The following CDH18 variants were observed in gnomAD, a reference collection of about 807,000 sequenced individuals.
CDH18 encodes cadherin-18.
In CDH18, 31 loss-of-function variants were observed where a neutral mutation model predicts 67.9. The ratio of observed to expected loss-of-function variants is 0.46; its 90% CI spans 0.34 to 0.62. The LOEUF is 0.62. Among genes scored for constraint, CDH18 ranks in the 20% least tolerant of loss-of-function variants. The pLI is 0.01. For synonymous variants in CDH18, 362 were observed against 347.2 expected (o/e 1.04, Z -0.48); for missense variants, 890 against 975.5 (o/e 0.91, Z 1.17).
At chr5:20,131,333 T>C (rs546926104) in intron 2 of CDH18, among the ~76,000 whole-genome samples, 1 of 152,280 alleles carries the variant, frequency 6.6e-6, no homozygotes, top group East Asian at 1.9e-4. Context: ...AATAATTATC[T>C]GTAGCTTCAC....
chr5:20,202,658 T>C (rs1264298272), intron 2 of CDH18, among the ~76,000 whole-genome samples: 1 of 152,082 alleles, frequency 6.6e-6, no homozygotes, highest in Non-Finnish European at 1.5e-5. Flanking sequence ...GTTCTTTTTA[T>C]TTTTTATTTT....
intron 2 of CDH18, among the ~76,000 whole-genome samples, chr5:20,063,188 A>T (rs1742660196): frequency 6.6e-6 from 1 of 151,570 alleles, no homozygotes; most frequent in African/African-American, 2.4e-5. Flanking sequence ...GATATAATTG[A>T]ATCAGCTTAT....
chr5:20,326,537 CTTTT>C (rs372636215), intron 1 of CDH18, among the ~76,000 whole-genome samples: 1 of 134,118 alleles, frequency 7.5e-6, no homozygotes, highest in Non-Finnish European at 1.6e-5. Context: ...AACATATTTA[CTTTT>C]TTTTTTTTTT....
chr5:19,694,022 C>A (rs2150437385), intron 5 of CDH18, among the ~76,000 whole-genome samples: 1 of 151,996 alleles, frequency 6.6e-6, no homozygotes, highest in Non-Finnish European at 1.5e-5. Context: ...CCATTATCAT[C>A]TACTTACCTC....
In CDH18 at chr5:19,471,580, A is replaced by C. The variant is rs1447770334; in HGVS notation, c.*1646T>G. On this transcript the variant is annotated 3_prime_UTR_variant, in exon 13 of 13. Transcript: ENST00000382275. ...TATTTAAGAATTTCAATATTTCTGAAATATATAGATGTGGCCAGTTTTAGA... is the reference window on the plus strand; with the variant it reads ...TATTTAAGAATTTCAATATTTCTGACATATATAGATGTGGCCAGTTTTAGA... Among the ~76,000 whole-genome samples the C allele has an allele frequency of 2.7e-5, 4 of 149,796 alleles. No homozygotes were observed. Among genetic ancestry groups the C allele is most frequent in the Non-Finnish European group, 6.0e-5 (4 of 66,924 alleles).
intron 3 of CDH18, among the ~76,000 whole-genome samples, chr5:19,795,065 G>C (rs993310324): frequency 6.6e-6 from 1 of 152,058 alleles, no homozygotes; most frequent in African/African-American, 2.4e-5. Flanking sequence ...TCAGCTTCTT[G>C]CAGAGAAATG....
intron 2 of CDH18, among the ~76,000 whole-genome samples, chr5:20,139,412 A>G (rs1323990892): frequency 1.3e-5 from 2 of 152,216 alleles, no homozygotes; most frequent in African/African-American, 4.8e-5. Flanking sequence ...ATGGGCAAGG[A>G]CTTCAGGACT....
At chr5:19,493,102 C>G (rs1035060776) in intron 11 of CDH18, among the ~76,000 whole-genome samples, 1 of 152,168 alleles carries the variant, frequency 6.6e-6, no homozygotes, top group African/African-American at 2.4e-5. Context: ...CTGAGTCACT[C>G]TCCCTGGTGG....
rs780843991 is a variant in CDH18 at position 19,658,781 on chromosome 5, T to C, written c.644-46180A>G. ...CTCATCATTTAACATTAGGTATATC[T>C]CCTAATGCTATCCCTCCCCACTTCG... is the stretch of plus-strand genomic sequence containing the variant. On this transcript the variant is annotated intron_variant, in intron 5 of 12. Coordinates refer to ENST00000382275, the MANE Select transcript of CDH18 (RefSeq NM_004934.5). Among the ~76,000 whole-genome samples the C allele has an allele frequency of 2.0e-3, 299 of 152,034 alleles. 1 individual carries two copies. Among genetic ancestry groups the C allele is most frequent in the Admixed American group, 4.8e-3 (73 of 15,238 alleles).
At chr5:19,887,033 T>C (rs1168032611) in intron 2 of CDH18, among the ~76,000 whole-genome samples, 6 of 152,122 alleles carry the variant, frequency 3.9e-5, no homozygotes. Context: ...GGTACCATAA[T>C]AAATAAGGTC....
chr5:20,540,322 AGAAAT>A (rs113620014), intron 1 of CDH18, among the ~76,000 whole-genome samples: 4,114 of 152,300 alleles, frequency 0.027, 179 homozygotes, highest in African/African-American at 0.094. Context: ...TTTACAAGAC[AGAAAT>A]GAATTGCAGA....
intron 1 of CDH18, among the ~76,000 whole-genome samples, chr5:20,270,472 T>C (rs561042319): frequency 1.3e-5 from 2 of 152,044 alleles, no homozygotes; most frequent in South Asian, 4.1e-4. Context: ...TATTAAAAAG[T>C]CAAAAAATAA....
intron 2 of CDH18, among the ~76,000 whole-genome samples, chr5:20,043,848 G>T (rs1740664884): frequency 6.6e-6 from 1 of 152,106 alleles, no homozygotes; most frequent in Admixed American, 6.6e-5. Flanking sequence ...GTTTAGCTTT[G>T]ATATCTATGC....
intron 1 of CDH18, among the ~76,000 whole-genome samples, chr5:20,521,269 G>A (rs2126521886): frequency 6.6e-6 from 1 of 152,220 alleles, no homozygotes; most frequent in South Asian, 2.1e-4. Context: ...TAAGTTTGGG[G>A]AGGCGAGGCA....
At chr5:19,576,161 G>A (rs1742278948) in intron 7 of CDH18, among the ~76,000 whole-genome samples, 1 of 151,858 alleles carries the variant, frequency 6.6e-6, no homozygotes, top group South Asian at 2.1e-4. Flanking sequence ...AGAAATTGAG[G>A]GGAAACCTTC....
Position 19,472,168 on chromosome 5 carries a change from A to G in CDH18, c.*1058T>C, listed in dbSNP as rs769810823. Reference sequence around the variant, plus strand: ...ATAAATGTAAGTCAACTATGATTCTATGACATTTACGTTCATTGGAGGATA... The same window carrying G: ...ATAAATGTAAGTCAACTATGATTCTGTGACATTTACGTTCATTGGAGGATA... On this transcript the variant is annotated 3_prime_UTR_variant, in exon 13 of 13. Transcript: ENST00000382275. 7.9e-5 allele frequency among the ~76,000 whole-genome samples: 12 copies of G among 152,192 alleles called. No individual in the cohort carries two copies. Among genetic ancestry groups the G allele is most frequent in the African/African-American group, 2.7e-4 (11 of 41,454 alleles).
intron 3 of CDH18, among the ~76,000 whole-genome samples, chr5:19,760,920 G>T (rs183532706): frequency 6.6e-6 from 1 of 152,166 alleles, no homozygotes; most frequent in East Asian, 1.9e-4. Context: ...CAGCAGCATG[G>T]GTTGGGGAGT....
chr5:20,125,557 A>T lies in CDH18; in HGVS notation c.-518+129887T>A, dbSNP rs189756445. ...ACTAGCTATCAAACTTTTAAAAGTA[A>T]CCTTCCATGAAAAAAGCTCCATTCT... is the stretch of plus-strand genomic sequence containing the variant. On this transcript the variant is annotated intron_variant, in intron 2 of 14. Transcript: ENST00000507958. 2.2e-4 allele frequency among the ~76,000 whole-genome samples: 34 copies of T among 152,222 alleles called. 1 individual carries two copies. The highest frequency in any genetic ancestry group is 8.5e-4 in the Admixed American group (13 of 15,270).
At position 20,218,786 on chromosome 5, in the gene CDH18, C is replaced by G. The variant is rs192533273; in HGVS notation, c.-518+36658G>C. Among the ~76,000 whole-genome samples, 14 of 152,038 alleles carry G rather than the reference C, an allele frequency of 9.2e-5. No individual in the cohort carries two copies. In the East Asian group the frequency reaches 2.3e-3, roughly 25 times the overall value. ...CTCCCGCCATGATTCTGAGGCCTCCCCAGCCAAGTGGAACTTAAGTCCAGT... is the reference window on the plus strand; with the variant it reads ...CTCCCGCCATGATTCTGAGGCCTCCGCAGCCAAGTGGAACTTAAGTCCAGT... On this transcript the variant is annotated intron_variant, in intron 2 of 14. Coordinates refer to the CDH18 transcript ENST00000507958.
Sources: allele counts gnomAD v4.1 joint callset (sites outside exome capture counted in the v4.1 genomes callset), GRCh38; gene constraint gnomAD v4.1.1; transcripts MANE v1.5; gene names NCBI Gene and HGNC (gene_info 2026-07-23, HGNC 2026-07-21).